FREM2: variants seen among roughly 807,000 people sequenced by gnomAD.
FREM2 encodes FRAS1-related extracellular matrix protein 2.
Under a neutral mutation model 219.9 loss-of-function variants are expected in FREM2, and 119 were observed. The observed-to-expected ratio is 0.54, with a 90% CI of 0.47 to 0.63. The LOEUF (loss-of-function observed/expected upper bound fraction) is 0.63, where lower values mean the gene tolerates loss of function less well. Among genes scored for constraint, FREM2 ranks in the 30% least tolerant of loss-of-function variants. The pLI, the probability that FREM2 is intolerant of heterozygous loss-of-function variation, is 0.00. For synonymous variants in FREM2, 1,562 were observed against 1,522.8 expected (o/e 1.03, Z -0.60); for missense variants, 4,030 against 3,993.6 (o/e 1.01, Z -0.25).
At chr13:38,702,522 C>A (rs563750162) in intron 2 of FREM2, among the ~76,000 whole-genome samples, 23 of 152,170 alleles carry the variant, frequency 1.5e-4, no homozygotes, top group South Asian at 1.0e-3. Context: ...ATTAAAAAGT[C>A]CTCGTGTAAA....
chr13:38,847,445 T>G (rs1029761507), intron 7 of FREM2, among the ~76,000 whole-genome samples: 2 of 152,224 alleles, frequency 1.3e-5, no homozygotes, highest in African/African-American at 2.4e-5. Flanking sequence ...TTTTAACTTT[T>G]TTAATGTAGT....
In FREM2 at chr13:38,807,189, TTA is replaced by T. The variant is rs59551341; in HGVS notation, c.6019+22419_6019+22420del. On this transcript the variant is annotated intron_variant, in intron 6 of 23. Transcript: ENST00000280481. ...CCTTTTTGCAGAGATCTTGTCTCTG[TTA>T]TATATATATATATATATATATATAT... Among the ~76,000 whole-genome samples, 308 of 45,350 alleles carry T rather than the reference TTA, an allele frequency of 6.8e-3. 6 individuals carry two copies. The highest frequency in any genetic ancestry group is 0.019 in the South Asian group (16 of 864). The allele number at this position is 45,350 out of a possible 152,430, so 29.8% of individuals were successfully genotyped here. A position where few individuals can be genotyped will look rare whatever the true frequency, so the allele number is the denominator to read the frequency against.
rs66795118 is a variant in FREM2, at chr13:38,840,625, A to AATATATATATAT, written c.6020-5939_6020-5928dup. Among the ~76,000 whole-genome samples the AATATATATATAT allele has an allele frequency of 2.0e-3, 266 of 135,134 alleles. 2 individuals are homozygous for AATATATATATAT. The East Asian group carries it at 0.043, about 22-fold the overall frequency. The allele number at this position is 135,134 out of a possible 152,430, so 88.7% of individuals were successfully genotyped here. A position where few individuals can be genotyped will look rare whatever the true frequency, so the allele number is the denominator to read the frequency against. ...TTTTTAACCTGGGGGATAAAACTAA[A>AATATATATATAT]ATATATATATATATATATATGTGTA... On this transcript the variant is annotated intron_variant, in intron 6 of 23. Transcript: ENST00000280481.
intron 11 of FREM2, among the ~76,000 whole-genome samples, chr13:38,853,063 C>T (rs1877430363): frequency 6.6e-6 from 1 of 152,040 alleles, no homozygotes; most frequent in African/African-American, 2.4e-5. Context: ...TGCGTTGGCT[C>T]ACACCTGTAA....
In FREM2 at chr13:38,689,891, G is replaced by C. The variant is rs1383578121; in HGVS notation, c.2547G>C (p.Glu849Asp). 2.5e-6 allele frequency: 4 copies of C among 1,614,170 alleles called. No homozygotes were observed. The South Asian group carries it at 3.3e-5, about 13-fold the overall frequency. The change falls in exon 1 of 24, where the codon GAG becomes GAC. Residue 849 changes from glutamate (E) to aspartate (D), a missense_variant. Transcript: ENST00000280481. ...IQEKGHHILS[E>D]TELHVNDVDT... is the part of the protein sequence containing the mutation. ...AGAAGGGTCACCACATCCTGAGTGA[G>C]ACAGAGTTGCACGTGAATGATGTAG...
At chr13:38,705,667 T>C (rs1252218048) in intron 2 of FREM2, among the ~76,000 whole-genome samples, 1 of 152,176 alleles carries the variant, frequency 6.6e-6, no homozygotes, top group Non-Finnish European at 1.5e-5. Context: ...TAAGATTAAG[T>C]AGATAATTCA....
rs1332666619 is a variant in FREM2, at chr13:38,848,413, T to G, written c.6170-48T>G. 4.6e-6 allele frequency: 6 copies of G among 1,296,762 alleles called. No individual in the cohort carries two copies. In the African/African-American group the frequency reaches 8.7e-5, roughly 19 times the overall value. 80.3% of individuals were successfully genotyped at this position (1,296,762 alleles called of 1,614,324 possible). A position where few individuals can be genotyped will look rare whatever the true frequency, so the allele number is the denominator to read the frequency against. ...ACATAATTTATGTCTTATAATTTTT[T>G]GAAATTTAATTAGTCCCCAACTGAA... On this transcript the variant is annotated intron_variant, in intron 7 of 23. Coordinates refer to ENST00000280481, the MANE Select transcript of FREM2 (RefSeq NM_207361.6).
chr13:38,806,947 T>C (rs1875251051), intron 6 of FREM2, among the ~76,000 whole-genome samples: 1 of 151,422 alleles, frequency 6.6e-6, no homozygotes, highest in African/African-American at 2.4e-5. Context: ...AAGAAACCAC[T>C]TTCTTTCCTT....
Position 38,795,385 on chromosome 13 carries a change from C to T in FREM2, c.6019+10577C>T, listed in dbSNP as rs144095014. Among the ~76,000 whole-genome samples, 172 of 149,834 alleles carry T rather than the reference C, an allele frequency of 1.1e-3. 1 individual carries two copies. The highest frequency in any genetic ancestry group is 4.2e-3 in the African/African-American group (169 of 40,602). Reference sequence around the variant, plus strand: ...GTAGTGGGTATACTAGATGAGGAATCAACCAAACAACTATTCCCTGACTAA... The same window carrying T: ...GTAGTGGGTATACTAGATGAGGAATTAACCAAACAACTATTCCCTGACTAA... On this transcript the variant is annotated intron_variant, in intron 6 of 23. Transcript: ENST00000280481.
intron 6 of FREM2, among the ~76,000 whole-genome samples, chr13:38,828,706 C>A (rs1876390479): frequency 6.7e-6 from 1 of 148,778 alleles, no homozygotes; most frequent in African/African-American, 2.6e-5. Flanking sequence ...GAGAGAGAGA[C>A]CATGTCTCTT....
chr13:38,691,587 G>A lies in FREM2; in HGVS notation c.4243G>A (p.Gly1415Arg), dbSNP rs775637631. ...AGATCGTTACTTTTATGTGTCCATC[G>A]GGAGCATTGACATTGTCTTCCCTGA... ...LIDRYFYVSI[G>R]SIDIVFPDVI... Residue 1415 changes from glycine (G) to arginine (R), a missense_variant, in exon 1 of 24, where the codon GGG (glycine) becomes AGG (arginine). This residue lies in a region of FREM2 where 3,102 missense variants were observed against 2,950.7 expected (regional missense o/e 1.05). Transcript: ENST00000280481. 23 of 1,613,898 alleles carry A rather than the reference G, an allele frequency of 1.4e-5. No homozygotes were observed. The highest frequency in any genetic ancestry group is 8.8e-5 in the South Asian group (8 of 91,054).
At chr13:38,747,921 T>C (rs528245186) in intron 2 of FREM2, among the ~76,000 whole-genome samples, 1 of 152,280 alleles carries the variant, frequency 6.6e-6, no homozygotes, top group South Asian at 2.1e-4. Context: ...TTCAGAAGCA[T>C]TCTTCTTAGT....
chr13:38,730,050 G>A (rs1305539699), intron 2 of FREM2, among the ~76,000 whole-genome samples: 1 of 152,150 alleles, frequency 6.6e-6, no homozygotes, highest in East Asian at 1.9e-4. Flanking sequence ...TGCCTAACGG[G>A]AGTGAACCCA....
At chr13:38,778,443 A>C (rs1873965222) in intron 4 of FREM2, among the ~76,000 whole-genome samples, 1 of 152,150 alleles carries the variant, frequency 6.6e-6, no homozygotes, top group Admixed American at 6.5e-5. Context: ...TTATAAGGAC[A>C]CTAATCCCAT....
intron 22 of FREM2, 98 bp from the exon 23 acceptor site, chr13:38,878,733 G>T: frequency 8.3e-7 from 1 of 1,209,042 alleles, no homozygotes; most frequent in South Asian, 1.2e-5. Context: ...ACATTTTATA[G>T]TAATTTGTAC....
chr13:38,744,700 C>T (rs533513997), intron 2 of FREM2, among the ~76,000 whole-genome samples: 1 of 152,308 alleles, frequency 6.6e-6, no homozygotes, highest in Admixed American at 6.5e-5. Flanking sequence ...CCATGTTGGC[C>T]AGGCTGGTCT....
chr13:38,765,781 T>G (rs1404257530), intron 3 of FREM2, among the ~76,000 whole-genome samples: 7 of 152,202 alleles, frequency 4.6e-5, no homozygotes, highest in Non-Finnish European at 7.3e-5. Context: ...TTGAGGTTGC[T>G]CTGGTTGCAG....
chr13:38,714,273 C>A (rs1870893922), intron 2 of FREM2, among the ~76,000 whole-genome samples: 1 of 152,180 alleles, frequency 6.6e-6, no homozygotes, highest in South Asian at 2.1e-4. Context: ...AAATTAGAAT[C>A]CTGAGTTAAG....
Position 38,861,415 on chromosome 13 carries a change from C to CGTG in FREM2, c.7520-16_7520-15insGTG. Reference sequence around the variant, plus strand: ...TACCTTCTTTTCGCATAAATATGGTCTTTTTTTTTTTCAAGGTCTTTGTCA... The same window carrying CGTG: ...TACCTTCTTTTCGCATAAATATGGTCGTGTTTTTTTTTTTCAAGGTCTTTGTCA... On this transcript the variant is annotated splice_polypyrimidine_tract_variant and intron_variant, in intron 14 of 23. Transcript: ENST00000280481. The CGTG allele has an allele frequency of 3.8e-6, 5 of 1,325,236 alleles. No homozygotes were observed. Among genetic ancestry groups the CGTG allele is most frequent in the Non-Finnish European group, 5.2e-6 (5 of 955,558 alleles). 82.1% of individuals were successfully genotyped at this position (1,325,236 alleles called of 1,614,324 possible). A position where few individuals can be genotyped will look rare whatever the true frequency, so the allele number is the denominator to read the frequency against.
Sources: gnomAD v4.1 joint callset for allele counts (sites outside exome capture counted in the v4.1 genomes callset) on GRCh38, gnomAD v4.1.1 for gene constraint, gnomAD v4.1.1 regional missense constraint, MANE v1.5 for transcripts, NCBI Gene and HGNC (gene_info 2026-07-23, HGNC 2026-07-21) for gene names.